LRCH2: variants seen among roughly 807,000 people sequenced by gnomAD.
LRCH2 encodes the protein leucine rich repeats and calponin homology domain containing 2.
LRCH2 carries 38 observed loss-of-function variants against 68.9 expected under a neutral mutation model. The ratio of observed to expected loss-of-function variants is 0.55; its 90% CI spans 0.43 to 0.72. The LOEUF is 0.72. Among genes scored for constraint, LRCH2 ranks in the 30% least tolerant of loss-of-function variants. LRCH2 has a pLI of 0.00. For synonymous variants in LRCH2, 191 were observed against 208.1 expected (o/e 0.92, Z 0.71); for missense variants, 528 against 572.9 (o/e 0.92, Z 0.80).
chrX:115,135,220 C>G (rs1175880239), intron 14 of LRCH2, among the ~76,000 whole-genome samples: 8 of 104,774 alleles, frequency 7.6e-5, no homozygotes, highest in Non-Finnish European at 1.4e-4. Flanking sequence ...CTCCTGGGCT[C>G]TAAGAATCCT....
At position 115,166,335 on chromosome X, in the gene LRCH2, C is replaced by T; in HGVS notation, c.1006G>A (p.Asp336Asn). Residue 336 changes from aspartate (D) to asparagine (N), a missense_variant, in exon 7 of 21, where the codon GAT becomes AAT. By Grantham distance (23) the Asp-to-Asn change is conservative. Transcript: ENST00000317135. The stretch of plus-strand genomic sequence containing the variant: ...CCATGATTTTTATTTGGATAAAAAT[C>T]TTCCATACTATGGAAATAGAAATCC... ...PSQPLTDSMEDFYPNKNHGPD... is the reference protein window; with the variant it reads ...PSQPLTDSMENFYPNKNHGPD... 1 of 1,156,329 alleles carries T rather than the reference C, an allele frequency of 8.6e-7. No individual in the cohort carries two copies. Among genetic ancestry groups the T allele is most frequent in the East Asian group, 3.0e-5 (1 of 33,301 alleles).
chrX:115,217,588 A>G (rs1317643193), intron 1 of LRCH2, among the ~76,000 whole-genome samples: 1 of 111,944 alleles, frequency 8.9e-6, no homozygotes. Context: ...ATAGTATTCC[A>G]TGGTATATAT....
intron 15 of LRCH2, among the ~76,000 whole-genome samples, chrX:115,129,948 G>A (rs2072228802): frequency 1.8e-5 from 2 of 110,739 alleles, no homozygotes; most frequent in African/African-American, 6.6e-5. Context: ...TGAATTATTA[G>A]TAATTCCATT....
intron 5 of LRCH2, among the ~76,000 whole-genome samples, chrX:115,170,766 T>G (rs782537153): frequency 5.4e-5 from 6 of 111,856 alleles, no homozygotes; most frequent in Middle Eastern, 4.7e-3. Flanking sequence ...AAATGAAAAA[T>G]ATATATTCAT....
intron 14 of LRCH2, among the ~76,000 whole-genome samples, chrX:115,135,273 A>G (rs782494844): frequency 9.3e-5 from 10 of 108,103 alleles, no homozygotes; most frequent in Non-Finnish European, 1.5e-4. Context: ...GACTACAGGC[A>G]TGTGCCACCG....
intron 20 of LRCH2, among the ~76,000 whole-genome samples, 197 bp from the exon 21 acceptor site, chrX:115,113,532 G>A (rs1169555915): frequency 2.7e-5 from 3 of 110,390 alleles, no homozygotes; most frequent in Non-Finnish European, 5.7e-5. Context: ...TATAGAAGTC[G>A]GCCTTGTTTG....
At chrX:115,188,196 C>T in intron 2 of LRCH2, 30 bp downstream of exon 2, 5 of 1,058,163 alleles carry the variant, frequency 4.7e-6, no homozygotes, top group Non-Finnish European at 6.2e-6. Flanking sequence ...ACAATAAAAA[C>T]CAAAATTTAT....
At chrX:115,181,584 T>C (rs1051414493) in intron 3 of LRCH2, among the ~76,000 whole-genome samples, 3 of 111,649 alleles carry the variant, frequency 2.7e-5, no homozygotes, top group Non-Finnish European at 5.7e-5. Flanking sequence ...ATTTCCTAGG[T>C]TTCTAATGAC....
chrX:115,148,495 A>C (rs782482861), intron 14 of LRCH2, among the ~76,000 whole-genome samples: 42 of 111,926 alleles, frequency 3.8e-4, no homozygotes, highest in African/African-American at 1.2e-3. Flanking sequence ...AATAAAGGAG[A>C]GCAAATAAAT....
chrX:115,195,463 T>C (rs187674815), intron 1 of LRCH2, among the ~76,000 whole-genome samples: 2 of 108,267 alleles, frequency 1.8e-5, no homozygotes, highest in Admixed American at 2.0e-4. Context: ...ATAATAGTCA[T>C]GAGAAAACAC....
intron 5 of LRCH2, among the ~76,000 whole-genome samples, chrX:115,174,108 C>T (rs2072626185): frequency 9.0e-6 from 1 of 110,697 alleles, no homozygotes; most frequent in African/African-American, 3.3e-5. Flanking sequence ...GTTCGATGCC[C>T]CTAACCCTCA....
chrX:115,214,818 C>T (rs988093597), intron 1 of LRCH2, among the ~76,000 whole-genome samples: 2 of 111,200 alleles, frequency 1.8e-5, no homozygotes, highest in African/African-American at 6.5e-5. Flanking sequence ...CTGTGAGTCT[C>T]GCAACAATTA....
At chrX:115,188,095 T>C (rs888486515) in intron 2 of LRCH2, 131 bp downstream of exon 2, 7 of 468,456 alleles carry the variant, frequency 1.5e-5, no homozygotes, top group African/African-American at 2.5e-5. Flanking sequence ...TGTGAACATA[T>C]AAAAAACACA....
intron 14 of LRCH2, among the ~76,000 whole-genome samples, chrX:115,133,331 G>C (rs1233604409): frequency 8.9e-6 from 1 of 112,182 alleles, no homozygotes; most frequent in African/African-American, 3.2e-5. Context: ...TGTTGGTGAA[G>C]GAAGAAGCAG....
chrX:115,121,289 C>T (rs1288125023), intron 20 of LRCH2, among the ~76,000 whole-genome samples: 1 of 110,810 alleles, frequency 9.0e-6, no homozygotes, highest in African/African-American at 3.3e-5. Flanking sequence ...GCTAAGTTTG[C>T]TATTTCCCCA....
At chrX:115,191,273 A>G (rs1334880893) in intron 1 of LRCH2, 1 of 1,153,053 alleles carries the variant, frequency 8.7e-7, no homozygotes, top group African/African-American at 1.9e-5. Flanking sequence ...CCCAATGCCT[A>G]CAGCGGGGGC....
At chrX:115,196,010 G>C in intron 1 of LRCH2, among the ~76,000 whole-genome samples, 1 of 111,862 alleles carries the variant, frequency 8.9e-6, no homozygotes, top group Non-Finnish European at 1.9e-5. Flanking sequence ...CTTGGCCATT[G>C]GGGAAGATCA....
chrX:115,142,949 A>G (rs2072351919), intron 14 of LRCH2, among the ~76,000 whole-genome samples: 1 of 110,079 alleles, frequency 9.1e-6, no homozygotes, highest in African/African-American at 3.3e-5. Context: ...AAAATACAAA[A>G]ATTAGCTGGG....
At chrX:115,209,723 T>C (rs2072993211) in intron 1 of LRCH2, among the ~76,000 whole-genome samples, 2 of 112,019 alleles carry the variant, frequency 1.8e-5, no homozygotes, top group Non-Finnish European at 1.9e-5. Context: ...CAGGAAAATG[T>C]GGGAAAGTTT....
Sources: allele counts gnomAD v4.1 joint callset (sites outside exome capture counted in the v4.1 genomes callset), GRCh38; gene constraint gnomAD v4.1.1; transcripts MANE v1.5; gene names NCBI Gene and HGNC (gene_info 2026-07-23, HGNC 2026-07-21).